The following RCAN3 variants were observed in gnomAD, a reference collection of about 807,000 sequenced individuals.
RCAN3 encodes the protein calcipressin-3.
In RCAN3, 19 loss-of-function variants were observed where a neutral mutation model predicts 21.9. That is an observed-to-expected ratio of 0.87 (90% confidence interval 0.61 to 1.27). RCAN3 has a LOEUF of 1.27. Ranked by LOEUF, RCAN3 falls within the 50% of genes most tolerant of loss-of-function variation. RCAN3 has a pLI of 0.00. For synonymous variants in RCAN3, 114 were observed against 112.3 expected (o/e 1.01, Z -0.09); for missense variants, 240 against 300.1 (o/e 0.80, Z 1.48).
At chr1:24,507,101 A>C (rs1647500118) in intron 1 of RCAN3, among the ~76,000 whole-genome samples, 1 of 152,166 alleles carries the variant, frequency 6.6e-6, no homozygotes, top group Non-Finnish European at 1.5e-5. Context: ...TGGCATGCTG[A>C]TATTGACATG....
intron 3 of RCAN3, 82 bp from the exon 4 acceptor site, chr1:24,533,001 A>T (rs1012586955): frequency 2.1e-5 from 13 of 620,564 alleles, no homozygotes; most frequent in African/African-American, 3.9e-5. Context: ...CTACAAAAAG[A>T]TGGAACAGTC....
rs200489448 is a variant in RCAN3 at position 24,506,689 on chromosome 1, C to CAAAA, written c.-60+3550_-60+3553dup. ...TTATAACTTCTGTTTGAAGTTATATCAAAAAAAAAAAAAAGGTACTCAAAA... is the reference window on the plus strand; with the variant it reads ...TTATAACTTCTGTTTGAAGTTATATCAAAAAAAAAAAAAAAAAAGGTACTCAAAA... On this transcript the variant is annotated intron_variant, in intron 1 of 4. Coordinates refer to ENST00000374395, the MANE Select transcript of RCAN3 (RefSeq NM_013441.4). 5.8e-3 allele frequency among the ~76,000 whole-genome samples: 634 copies of CAAAA among 108,434 alleles called. 4 individuals are homozygous for CAAAA. The highest frequency in any genetic ancestry group is 9.2e-3 in the Non-Finnish European group (444 of 48,366). The allele number at this position is 108,434 out of a possible 152,430, so 71.1% of individuals were successfully genotyped here.
chr1:24,510,927 C>T (rs534450603), intron 1 of RCAN3, among the ~76,000 whole-genome samples: 8 of 152,220 alleles, frequency 5.3e-5, no homozygotes, highest in African/African-American at 1.2e-4. Context: ...TCAATATTGT[C>T]GTGTCTCAGA....
chr1:24,519,610 C>T (rs1648631654), intron 2 of RCAN3, among the ~76,000 whole-genome samples: 1 of 152,120 alleles, frequency 6.6e-6, no homozygotes, highest in East Asian at 1.9e-4. Context: ...CACCATAGGA[C>T]ATTTGATTTG....
Position 24,537,331 on chromosome 1 carries a change from A to G in RCAN3, c.*2054A>G, listed in dbSNP as rs1290382001. Reference sequence around the variant, plus strand: ...TTTAAACCAAAATTAGAGACGAGTCATTTAAGCTTTTCTGAATGGAAAGTA... The same window carrying G: ...TTTAAACCAAAATTAGAGACGAGTCGTTTAAGCTTTTCTGAATGGAAAGTA... On this transcript the variant is annotated 3_prime_UTR_variant, in exon 5 of 5. Coordinates refer to ENST00000374395, the MANE Select transcript of RCAN3 (RefSeq NM_013441.4). The G allele has an allele frequency of 6.6e-6, 1 of 152,108 alleles. No individual in the cohort carries two copies. The highest frequency in any genetic ancestry group is 1.5e-5 in the Non-Finnish European group (1 of 68,022). 9.4% of individuals were successfully genotyped at this position (152,108 alleles called of 1,614,324 possible).
At chr1:24,516,744 G>C (rs1218417238) in intron 2 of RCAN3, among the ~76,000 whole-genome samples, 2 of 152,192 alleles carry the variant, frequency 1.3e-5, no homozygotes, top group Non-Finnish European at 2.9e-5. Context: ...AGAGTGATGG[G>C]AGAAGAGGGC....
intron 3 of RCAN3, among the ~76,000 whole-genome samples, chr1:24,532,338 C>T (rs60177207): frequency 0.16 from 23,729 of 151,852 alleles, 4,411 homozygotes; most frequent in African/African-American, 0.45. Flanking sequence ...GTGATTCTCC[C>T]GCCTCCGCCT....
intron 1 of RCAN3, among the ~76,000 whole-genome samples, chr1:24,511,041 T>C (rs372031391): frequency 3.9e-5 from 6 of 152,070 alleles, no homozygotes; most frequent in East Asian, 1.9e-4. Context: ...TGGCCGGGCG[T>C]GGTGGCTCAC....
At position 24,531,243 on chromosome 1, in the gene RCAN3, T is replaced by C; in HGVS notation, c.221T>C (p.Ile74Thr). Residue 74 changes from isoleucine (I) to threonine (T), a missense_variant, in exon 3 of 5, where the codon ATC (isoleucine) becomes ACC (threonine). Physicochemically the swap from Ile to Thr is moderately conservative, Grantham distance 89 (BLOSUM62 -1). Transcript: ENST00000374395. ...GAAAGATTTGAAGCACTCTTCACCA[T>C]CTATGATGACCAGGTTACTTTTCAG... The part of the protein sequence containing the change: ...QKERFEALFT[I>T]YDDQVTFQLF... 6.2e-7 allele frequency: 1 copy of C among 1,603,534 alleles called. No individual in the cohort carries two copies. The highest frequency in any genetic ancestry group is 1.7e-4 in the Middle Eastern group (1 of 6,006).
chr1:24,507,245 C>T (rs1647511086), intron 1 of RCAN3, among the ~76,000 whole-genome samples: 1 of 152,206 alleles, frequency 6.6e-6, no homozygotes, highest in South Asian at 2.1e-4. Context: ...TTTGTGCATG[C>T]TGGTCCTACT....
At position 24,533,231 on chromosome 1, in the gene RCAN3, G is replaced by C. The variant is rs1326005435; in HGVS notation, c.518G>C (p.Cys173Ser). 1 of 1,567,040 alleles carries C rather than the reference G, an allele frequency of 6.4e-7. No homozygotes were observed. The highest frequency in any genetic ancestry group is 2.3e-5 in the East Asian group (1 of 42,964). ...AMPVINYDLL[C>S]AVSKLGPGEK... is the part of the protein sequence containing the mutation. Reference sequence around the variant, plus strand: ...CCTGTTATAAATTATGATTTACTCTGTGCTGTTTCCAAATTGGGACCAGGT... The same window carrying C: ...CCTGTTATAAATTATGATTTACTCTCTGCTGTTTCCAAATTGGGACCAGGT... Residue 173 changes from cysteine to serine, a missense_variant, in exon 4 of 5, where the codon TGT (cysteine) becomes TCT (serine). By Grantham distance (112) the Cys-to-Ser change is moderately radical. Transcript: ENST00000374395.
chr1:24,526,588 A>G, intron 2 of RCAN3, among the ~76,000 whole-genome samples: 1 of 152,184 alleles, frequency 6.6e-6, no homozygotes, highest in Admixed American at 6.5e-5. Context: ...TACTAGGAAG[A>G]ATTCGTTGTG....
At chr1:24,508,894 C>G (rs1647669917) in intron 1 of RCAN3, among the ~76,000 whole-genome samples, 1 of 152,178 alleles carries the variant, frequency 6.6e-6, no homozygotes, top group South Asian at 2.1e-4. Context: ...GGTGTGGTGG[C>G]TCACACCTAT....
Position 24,525,333 on chromosome 1 carries a change from A to G in RCAN3, c.196-5885A>G, listed in dbSNP as rs1035228092. On this transcript the variant is annotated intron_variant, in intron 2 of 4. Coordinates refer to ENST00000374395, the MANE Select transcript of RCAN3 (RefSeq NM_013441.4). The surrounding 1 kb of genome is among the most constrained non-coding windows in gnomAD (Gnocchi z 4.1). ...CAAGGTATGTACTGTCATTTTGATGACTGACTAACTGCACAGGTGATCTTA... is the reference window on the plus strand; with the variant it reads ...CAAGGTATGTACTGTCATTTTGATGGCTGACTAACTGCACAGGTGATCTTA... 1.3e-5 allele frequency among the ~76,000 whole-genome samples: 2 copies of G among 152,156 alleles called. No individual in the cohort carries two copies. The highest frequency in any genetic ancestry group is 2.9e-5 in the Non-Finnish European group (2 of 68,026).
chr1:24,529,288 C>T (rs991798105), intron 2 of RCAN3, among the ~76,000 whole-genome samples: 7 of 151,508 alleles, frequency 4.6e-5, no homozygotes, highest in African/African-American at 1.7e-4. Flanking sequence ...CATGGTGGCT[C>T]ATGCCTGTAA....
chr1:24,533,538 G>T (rs568146203), intron 4 of RCAN3, among the ~76,000 whole-genome samples: 1 of 152,192 alleles, frequency 6.6e-6, no homozygotes, highest in Admixed American at 6.5e-5. Flanking sequence ...GGTGGCCCAC[G>T]CCTGTAATCC....
At chr1:24,526,085 T>G (rs375910732) in intron 2 of RCAN3, among the ~76,000 whole-genome samples, 18 of 152,240 alleles carry the variant, frequency 1.2e-4, no homozygotes, top group African/African-American at 3.9e-4. Flanking sequence ...TGGCTTCATT[T>G]TTGTATAATT....
intron 2 of RCAN3, among the ~76,000 whole-genome samples, chr1:24,529,218 G>A (rs537897677): frequency 1.3e-5 from 2 of 150,924 alleles, no homozygotes; most frequent in South Asian, 2.1e-4. Flanking sequence ...ACCAGCCTGG[G>A]CAAGACATTG....
intron 2 of RCAN3, among the ~76,000 whole-genome samples, chr1:24,527,122 C>T (rs1419315186): frequency 2.0e-5 from 3 of 152,246 alleles, no homozygotes; most frequent in African/African-American, 7.2e-5. Flanking sequence ...ACCTCTGCCT[C>T]CCAGGCTCAA....
Sources: allele counts gnomAD v4.1 joint callset (sites outside exome capture counted in the v4.1 genomes callset), GRCh38; gene constraint gnomAD v4.1.1; non-coding constraint Gnocchi (gnomAD v3.1); transcripts MANE v1.5; gene names NCBI Gene and HGNC (gene_info 2026-07-23, HGNC 2026-07-21).